STPG2: variants seen among roughly 807,000 people sequenced by gnomAD.
STPG2 encodes the protein sperm tail PG-rich repeat containing 2.
Under a neutral mutation model 54.2 loss-of-function variants are expected in STPG2, and 56 were observed. The observed-to-expected ratio is 1.03, with a 90% CI of 0.83 to 1.29. The LOEUF (loss-of-function observed/expected upper bound fraction) is 1.29. Ranked by LOEUF, STPG2 falls within the 50% of genes most tolerant of loss-of-function variation. The pLI is 0.00. For synonymous variants in STPG2, 200 were observed against 181.8 expected (o/e 1.10, Z -0.81); for missense variants, 596 against 544.9 (o/e 1.09, Z -0.93).
At chr4:97,951,312 A>G (rs1354002477) in intron 7 of STPG2, among the ~76,000 whole-genome samples, 1 of 152,170 alleles carries the variant, frequency 6.6e-6, no homozygotes, top group Non-Finnish European at 1.5e-5. Context: ...GTCTTGATAA[A>G]TTGGCTCTCT....
chr4:97,592,596 CAGGAAG>C (rs1733174397), intron 10 of STPG2, among the ~76,000 whole-genome samples: 2 of 152,018 alleles, frequency 1.3e-5, no homozygotes, highest in South Asian at 4.1e-4. Flanking sequence ...ACCTGAACAT[CAGGAAG>C]ACTGGTACAC....
intron 9 of STPG2, among the ~76,000 whole-genome samples, chr4:97,771,668 A>G (rs912916431): frequency 6.6e-6 from 1 of 152,198 alleles, no homozygotes; most frequent in Non-Finnish European, 1.5e-5. Context: ...AGAGCAAGGT[A>G]TGCAGACATG....
chr4:97,856,852 A>G (rs1729354879), intron 8 of STPG2, among the ~76,000 whole-genome samples: 1 of 152,140 alleles, frequency 6.6e-6, no homozygotes, highest in Non-Finnish European at 1.5e-5. Context: ...TAGTTTATGC[A>G]GTGTTTTTAA....
chr4:97,747,075 A>T (rs1380464794), intron 9 of STPG2, among the ~76,000 whole-genome samples: 1 of 151,194 alleles, frequency 6.6e-6, no homozygotes, highest in African/African-American at 2.4e-5. Context: ...TTTCATAGTT[A>T]AAGTAGAGTT....
At chr4:97,488,949 TC>T (rs1730438147) in intron 4 of STPG2, among the ~76,000 whole-genome samples, 1 of 151,664 alleles carries the variant, frequency 6.6e-6, no homozygotes, top group South Asian at 2.1e-4. Flanking sequence ...TTTCCCTGTG[TC>T]CCCACTCAAA....
intron 3 of STPG2, among the ~76,000 whole-genome samples, chr4:98,120,048 T>C (rs1035698748): frequency 2.0e-5 from 3 of 152,178 alleles, no homozygotes; most frequent in Admixed American, 2.0e-4. Context: ...TGAATAGTGC[T>C]GGAATGAACA....
chr4:98,136,645 A>C (rs1371221618), intron 1 of STPG2, among the ~76,000 whole-genome samples: 2 of 151,754 alleles, frequency 1.3e-5, no homozygotes, highest in Non-Finnish European at 3.0e-5. Context: ...AAAGCAAAAA[A>C]TAGTCTCAAT....
chr4:97,549,989 A>G (rs959162910), intron 4 of STPG2, among the ~76,000 whole-genome samples: 1 of 152,208 alleles, frequency 6.6e-6, no homozygotes, highest in Non-Finnish European at 1.5e-5. Context: ...ATGAGCTTCA[A>G]TTTTATTCTG....
chr4:98,123,083 CTCTTT>C (rs1274802929), intron 3 of STPG2, among the ~76,000 whole-genome samples: 5 of 152,014 alleles, frequency 3.3e-5, no homozygotes, highest in Admixed American at 6.6e-5. Flanking sequence ...TGATTCTTCT[CTCTTT>C]TCTTCTTTGT....
intron 5 of STPG2, among the ~76,000 whole-genome samples, chr4:98,091,073 A>G (rs1738671611): frequency 2.0e-5 from 3 of 152,008 alleles, no homozygotes; most frequent in Non-Finnish European, 4.4e-5. Context: ...AAAAAATCTA[A>G]GAGTCATCAT....
At chr4:98,004,688 G>A (rs946450994) in intron 5 of STPG2, among the ~76,000 whole-genome samples, 21 of 152,018 alleles carry the variant, frequency 1.4e-4, no homozygotes, top group Admixed American at 5.9e-4. Flanking sequence ...TTTCTAAGAG[G>A]TGGGAGATGA....
intron 8 of STPG2, among the ~76,000 whole-genome samples, chr4:97,896,113 A>G (rs1730944728): frequency 6.6e-6 from 1 of 151,762 alleles, no homozygotes; most frequent in African/African-American, 2.4e-5. Flanking sequence ...CTGCAGCCTT[A>G]TATCCATATG....
chr4:97,582,197 T>G (rs1732879469), intron 10 of STPG2, among the ~76,000 whole-genome samples: 1 of 152,194 alleles, frequency 6.6e-6, no homozygotes, highest in East Asian at 1.9e-4. Context: ...GAACCAATAC[T>G]TTCTGCAAAT....
intron 8 of STPG2, among the ~76,000 whole-genome samples, chr4:97,909,139 G>A (rs1261108591): frequency 6.6e-6 from 1 of 151,030 alleles, no homozygotes; most frequent in Non-Finnish European, 1.5e-5. Context: ...AACAGAAAGA[G>A]TGAAAAAGCA....
chr4:97,517,372 C>G lies in STPG2; in HGVS notation c.462+195327G>C, dbSNP rs547954956. 3.3e-5 allele frequency among the ~76,000 whole-genome samples: 5 copies of G among 152,182 alleles called. No homozygotes were observed. In the East Asian group the frequency reaches 9.7e-4, roughly 30 times the overall value. Reference sequence around the variant, plus strand: ...AAAATTACTGGGCTTCTAATTTGTTCTGGACATTGACATTAATTCAGGAAG... The same window carrying G: ...AAAATTACTGGGCTTCTAATTTGTTGTGGACATTGACATTAATTCAGGAAG... On this transcript the variant is annotated intron_variant, in intron 4 of 4. Coordinates refer to the STPG2 transcript ENST00000522676.
intron 10 of STPG2, among the ~76,000 whole-genome samples, chr4:97,654,177 T>A (rs933640201): frequency 2.6e-5 from 4 of 152,242 alleles, no homozygotes; most frequent in Admixed American, 6.5e-5. Context: ...ATGGAAGGTA[T>A]CTACAGCATT....
At chr4:97,616,540 A>G (rs969263250) in intron 10 of STPG2, among the ~76,000 whole-genome samples, 1 of 152,078 alleles carries the variant, frequency 6.6e-6, no homozygotes, top group Non-Finnish European at 1.5e-5. Context: ...GGAGACTAGG[A>G]TATCACTTTT....
intron 8 of STPG2, among the ~76,000 whole-genome samples, chr4:97,930,843 T>G (rs913405080): frequency 2.6e-5 from 4 of 152,208 alleles, no homozygotes; most frequent in Non-Finnish European, 5.9e-5. Flanking sequence ...TTGTGTCTTC[T>G]GTCTTCTCTC....
At chr4:97,982,385 C>CAA (rs1446695841) in intron 5 of STPG2, among the ~76,000 whole-genome samples, 1 of 150,878 alleles carries the variant, frequency 6.6e-6, no homozygotes, top group African/African-American at 2.4e-5. Flanking sequence ...TCTACACACA[C>CAA]ACACACACAC....
Sources: gnomAD v4.1 joint callset for allele counts (sites outside exome capture counted in the v4.1 genomes callset) on GRCh38, gnomAD v4.1.1 for gene constraint, MANE v1.5 for transcripts, NCBI Gene and HGNC (gene_info 2026-07-23, HGNC 2026-07-21) for gene names.